The following CEP192 variants were observed in gnomAD, a reference collection of about 807,000 sequenced individuals.
CEP192 encodes the protein centrosomal protein 192.
A neutral mutation model predicts 271.8 loss-of-function variants in CEP192; 151 were observed. That is an observed-to-expected ratio of 0.56 (90% CI 0.49 to 0.64). The LOEUF (loss-of-function observed/expected upper bound fraction) is 0.64, where lower values mean the gene tolerates loss of function less well. Ranked by LOEUF, CEP192 falls within the 30% of genes least tolerant of loss-of-function variation. The probability of loss-of-function intolerance (pLI) is 0.00; values close to 1 mark genes in which losing one functional copy is unlikely to be tolerated. For missense variants in CEP192, 2,910 were observed against 3,020.5 expected (o/e 0.96, Z 0.86); for synonymous variants, 995 against 1,076.5 (o/e 0.92, Z 1.48).
intron 11 of CEP192, among the ~76,000 whole-genome samples, chr18:13,036,145 CAA>C (rs55837148): frequency 2.3e-5 from 3 of 132,986 alleles, no homozygotes; most frequent in Non-Finnish European, 1.6e-5. Context: ...GACCTTGTCT[CAA>C]AAAAAAAAAA....
chr18:13,017,117 T>C (rs562776754), intron 6 of CEP192, 71 bp from the exon 7 acceptor site: 118 of 1,217,970 alleles, frequency 9.7e-5, no homozygotes, highest in Non-Finnish European at 1.3e-4. Flanking sequence ...CTTATCGGCC[T>C]TTTTAATTAC....
chr18:13,112,058 T>G (rs914318686), intron 40 of CEP192, among the ~76,000 whole-genome samples: 1 of 152,134 alleles, frequency 6.6e-6, no homozygotes, highest in Non-Finnish European at 1.5e-5. Flanking sequence ...CTATGGAAAA[T>G]AATTTGGCAG....
chr18:13,120,384 G>T (rs2000666), intron 44 of CEP192, among the ~76,000 whole-genome samples: 58,927 of 152,042 alleles, frequency 0.39, 11,553 homozygotes, highest in Admixed American at 0.43. Flanking sequence ...TGTAAAAGTA[G>T]ACATTTTTGT....
At chr18:13,003,452 A>G (rs1190584550) in intron 3 of CEP192, among the ~76,000 whole-genome samples, 2 of 19,794 alleles carry the variant, frequency 1.0e-4, no homozygotes, top group Non-Finnish European at 7.8e-5. Context: ...CTGTCTCAAG[A>G]AAAAAAAAAA....
rs2039822428 is a variant in CEP192, at chr18:13,103,679, T to C, written c.6951+91T>C. On this transcript the variant is annotated intron_variant, in intron 39 of 44. Transcript: ENST00000506447. ...ACTGACTATGAGCATAGGTTGATAT[T>C]ACTGGTTATTTGCTTGTTTGTTTTC... 6.9e-6 allele frequency: 7 copies of C among 1,019,950 alleles called. No individual in the cohort carries two copies. The South Asian group carries it at 7.7e-5, about 11-fold the overall frequency. 63.2% of individuals were successfully genotyped at this position (1,019,950 alleles called of 1,614,324 possible). A position where few individuals can be genotyped will look rare whatever the true frequency, so the allele number is the denominator to read the frequency against.
At chr18:13,110,222 G>T (rs529366307) in intron 40 of CEP192, among the ~76,000 whole-genome samples, 2 of 152,214 alleles carry the variant, frequency 1.3e-5, no homozygotes, top group East Asian at 3.9e-4. Context: ...AAAATTGAAA[G>T]GCTGATTCTG....
chr18:13,010,735 A>G (rs2034293914), intron 4 of CEP192, among the ~76,000 whole-genome samples: 1 of 152,128 alleles, frequency 6.6e-6, no homozygotes, highest in Admixed American at 6.5e-5. Flanking sequence ...AATCCCAGCT[A>G]CGTGGGAGGC....
chr18:13,108,301 A>G (rs900056579), intron 40 of CEP192, among the ~76,000 whole-genome samples: 1 of 152,158 alleles, frequency 6.6e-6, no homozygotes, highest in Non-Finnish European at 1.5e-5. Flanking sequence ...AAAATTGACA[A>G]ATGGGACCTA....
chr18:13,100,563 C>CT, intron 38 of CEP192, 51 bp downstream of exon 38: 1 of 1,367,560 alleles, frequency 7.3e-7, no homozygotes, highest in Non-Finnish European at 1.0e-6. Flanking sequence ...TATATTGAGT[C>CT]TAATGCTTTA....
rs760067556 is a variant in CEP192, at chr18:13,124,649, A to G, written c.7493A>G (p.Asn2498Ser). The change falls in exon 45 of 45, where the codon AAC becomes AGC. Residue 2498 changes from asparagine (N) to serine (S), a missense_variant. Asn to Ser is a conservative substitution (Grantham distance 46). Transcript: ENST00000506447. ...KYSLRAQHYI[N>S]MPVQFKPKSA... ...CTTTCCAGAGCCCAGCATTACATCA[A>G]CATGCCCGTGCAGTTCAAACCGAAG... 9.3e-6 allele frequency: 15 copies of G among 1,613,304 alleles called. No homozygotes were observed. Among genetic ancestry groups the G allele is most frequent in the African/African-American group, 2.7e-5 (2 of 74,920 alleles).
chr18:13,058,687 T>G, intron 20 of CEP192: 1 of 180,984 alleles, frequency 5.5e-6, no homozygotes, highest in Non-Finnish European at 1.2e-5. Flanking sequence ...CGAGGCGGAG[T>G]CAGGGCTGTG....
chr18:13,075,136 C>G (rs755850257), intron 30 of CEP192, among the ~76,000 whole-genome samples: 4 of 152,144 alleles, frequency 2.6e-5, no homozygotes, highest in Non-Finnish European at 5.9e-5. Flanking sequence ...GCTCTGCCCT[C>G]GGGAATGGAT....
chr18:13,002,179 A>G (rs1335179301), intron 3 of CEP192, among the ~76,000 whole-genome samples: 1 of 152,132 alleles, frequency 6.6e-6, no homozygotes, highest in African/African-American at 2.4e-5. Flanking sequence ...CATTGAGTAC[A>G]TTTTTATTTG....
chr18:13,056,574 C>T lies in CEP192; in HGVS notation c.3984C>T (p.Leu1328=). The T allele has an allele frequency of 6.2e-7, 1 of 1,614,190 alleles. No individual in the cohort carries two copies. Among genetic ancestry groups the T allele is most frequent in the South Asian group, 1.1e-5 (1 of 91,078 alleles). The stretch of plus-strand genomic sequence containing the variant: ...CTGGATGGATGGGTACCTCTTCCCT[C>T]TGTAACCCATATTCTAATACCTTAA... ...IGSGWMGTSS[L]CNPYSNTLNQ... The change falls in exon 19 of 45, where the codon CTC becomes CTT. Residue 1328 remains leucine, a synonymous_variant. Coordinates refer to ENST00000506447, the MANE Select transcript of CEP192 (RefSeq NM_032142.4).
At chr18:13,099,897 T>C (rs1021164158) in intron 37 of CEP192, among the ~76,000 whole-genome samples, 1 of 152,238 alleles carries the variant, frequency 6.6e-6, no homozygotes, top group Admixed American at 6.5e-5. Context: ...TGTCACTTTA[T>C]ATACAGGACT....
rs761509936 is a variant in CEP192, at chr18:13,067,951, A to G, written c.4609A>G (p.Asn1537Asp). 1.2e-6 allele frequency: 2 copies of G among 1,607,986 alleles called. No individual in the cohort carries two copies. Among genetic ancestry groups the G allele is most frequent in the East Asian group, 4.5e-5 (2 of 44,700 alleles). The change falls in exon 22 of 45, where the codon AAT becomes GAT. Residue 1537 changes from asparagine to aspartate, a missense_variant. Asn to Asp is a conservative substitution (Grantham distance 23). Coordinates refer to ENST00000506447, the MANE Select transcript of CEP192 (RefSeq NM_032142.4). The stretch of plus-strand genomic sequence containing the variant: ...CACTGTGCCAATTAGACTGATTATT[A>G]ATGCTGTAAGTATGAACATACAGTA... ...HATVPIRLII[N>D]ANAVAWRCFT...
At chr18:13,008,246 C>CTG (rs10628855) in intron 3 of CEP192, among the ~76,000 whole-genome samples, 108,907 of 151,954 alleles carry the variant, frequency 0.72, 40,552 homozygotes, top group African/African-American at 0.93. Flanking sequence ...TTTTGGTAGA[C>CTG]TGTATCACTG....
intron 7 of CEP192, among the ~76,000 whole-genome samples, chr18:13,018,074 G>A (rs1475484300): frequency 1.3e-5 from 2 of 152,090 alleles, no homozygotes; most frequent in Non-Finnish European, 2.9e-5. Flanking sequence ...TCTCATGAAT[G>A]GATTCATAGT....
intron 30 of CEP192, among the ~76,000 whole-genome samples, chr18:13,080,885 AT>A (rs2038567276): frequency 6.6e-6 from 1 of 152,154 alleles, no homozygotes; most frequent in Non-Finnish European, 1.5e-5. Flanking sequence ...TTCTGCATCT[AT>A]TGATATAATT....
Sources: allele counts gnomAD v4.1 joint callset (sites outside exome capture counted in the v4.1 genomes callset), GRCh38; gene constraint gnomAD v4.1.1; transcripts MANE v1.5; gene names NCBI Gene and HGNC (gene_info 2026-07-23, HGNC 2026-07-21).